PTPRT: variants seen among roughly 807,000 people sequenced by gnomAD.
The protein encoded by PTPRT is receptor-type tyrosine-protein phosphatase T.
In PTPRT, 56 loss-of-function variants were observed where a neutral mutation model predicts 176.8. The observed-to-expected ratio is 0.32, with a 90% CI of 0.26 to 0.40. The LOEUF is 0.40. PTPRT is among the 10% of genes least tolerant of loss of function. PTPRT has a pLI of 1.00. For synonymous variants in PTPRT, 783 were observed against 739.0 expected (o/e 1.06, Z -0.96); for missense variants, 1,540 against 1,908.2 (o/e 0.81, Z 3.60).
At chr20:42,812,014 C>A (rs1247003794) in intron 2 of PTPRT, among the ~76,000 whole-genome samples, 3 of 152,010 alleles carry the variant, frequency 2.0e-5, no homozygotes, top group African/African-American at 4.8e-5. Context: ...TTTTAGATAA[C>A]CATTCTTTCA....
At chr20:42,684,619 T>A (rs1569082484) in intron 6 of PTPRT, among the ~76,000 whole-genome samples, 3 of 152,036 alleles carry the variant, frequency 2.0e-5, no homozygotes, top group Non-Finnish European at 4.4e-5. Context: ...AAAGAAAACT[T>A]CTCTGAAATA....
At chr20:42,560,549 T>A (rs1022949526) in intron 7 of PTPRT, among the ~76,000 whole-genome samples, 11 of 152,320 alleles carry the variant, frequency 7.2e-5, no homozygotes, top group Non-Finnish European at 1.5e-4. Flanking sequence ...TGCCAATTTC[T>A]CATAGGGAGC....
At chr20:42,099,262 A>T (rs992083785) in intron 26 of PTPRT, among the ~76,000 whole-genome samples, 2 of 152,040 alleles carry the variant, frequency 1.3e-5, no homozygotes, top group Non-Finnish European at 2.9e-5. Flanking sequence ...GCAAGTTATT[A>T]GATGATTCCA....
At chr20:42,229,372 G>C (rs1600704053) in intron 15 of PTPRT, among the ~76,000 whole-genome samples, 1 of 152,138 alleles carries the variant, frequency 6.6e-6, no homozygotes, top group African/African-American at 2.4e-5. Context: ...TAACATGTTT[G>C]CTGTTGATAA....
chr20:42,355,531 C>T (rs1431909338), intron 9 of PTPRT, among the ~76,000 whole-genome samples: 3 of 152,084 alleles, frequency 2.0e-5, no homozygotes, highest in Non-Finnish European at 2.9e-5. Context: ...CAGAGGGAAC[C>T]GCGTAGGCAA....
At chr20:42,515,147 C>T (rs1359219802) in intron 7 of PTPRT, among the ~76,000 whole-genome samples, 3 of 152,152 alleles carry the variant, frequency 2.0e-5, no homozygotes, top group South Asian at 4.1e-4. Context: ...ATTTAGGTCA[C>T]GTTTAAAACT....
rs1042641907 is a variant in PTPRT at position 43,139,707 on chromosome 20, C to T, written c.88+49939G>A. On this transcript the variant is annotated intron_variant, in intron 1 of 30. Transcript: ENST00000373187. ...CCCAAGTGTAAAGTATCTAAGGTGG[C>T]CCAAGCTGGAAAACGGTCACCCCAG... is the stretch of plus-strand genomic sequence containing the variant. Among the ~76,000 whole-genome samples the T allele has an allele frequency of 4.6e-5, 7 of 152,140 alleles. No homozygotes were observed. The East Asian group carries it at 1.4e-3, about 29-fold the overall frequency.
intron 16 of PTPRT, among the ~76,000 whole-genome samples, chr20:42,188,267 C>T (rs1054997002): frequency 6.6e-6 from 1 of 152,134 alleles, no homozygotes; most frequent in Non-Finnish European, 1.5e-5. Context: ...AGGTTGGGAG[C>T]AAGTACAGAA....
chr20:43,115,657 CA>C (rs1416488789), intron 1 of PTPRT, among the ~76,000 whole-genome samples: 2 of 152,172 alleles, frequency 1.3e-5, no homozygotes, highest in Non-Finnish European at 2.9e-5. Context: ...GCGCCCACAA[CA>C]AAAAACTGCC....
chr20:42,790,487 A>G (rs1221893430), intron 3 of PTPRT, among the ~76,000 whole-genome samples: 1 of 152,030 alleles, frequency 6.6e-6, no homozygotes, highest in African/African-American at 2.4e-5. Flanking sequence ...GGACAGTATG[A>G]GCAGCACTGC....
intron 7 of PTPRT, among the ~76,000 whole-genome samples, chr20:42,600,703 A>G (rs1434646894): frequency 6.6e-6 from 1 of 152,112 alleles, no homozygotes; most frequent in African/African-American, 2.4e-5. Context: ...TATAAGTGAG[A>G]GCATTTTTGA....
chr20:42,498,314 G>A (rs1047268569), intron 7 of PTPRT, among the ~76,000 whole-genome samples: 1 of 152,070 alleles, frequency 6.6e-6, no homozygotes, highest in Non-Finnish European at 1.5e-5. Context: ...GGGCAGGGGC[G>A]GTTGGACATG....
Position 42,450,350 on chromosome 20 carries a change from C to G in PTPRT, c.1451-2021G>C, listed in dbSNP as rs998952217. On this transcript the variant is annotated intron_variant, in intron 8 of 30. Coordinates refer to ENST00000373187, the MANE Select transcript of PTPRT (RefSeq NM_007050.6). The stretch of plus-strand genomic sequence containing the variant: ...AGAAAGTTTGTACCATTCTGGACTC[C>G]CCAACAGAAGACTATGTCTGTTCTT... Among the ~76,000 whole-genome samples the G allele has an allele frequency of 4.6e-5, 7 of 152,172 alleles. No individual in the cohort carries two copies. In the South Asian group the frequency reaches 8.3e-4, roughly 18 times the overall value.
chr20:42,787,406 G>C (rs890533154), intron 3 of PTPRT, among the ~76,000 whole-genome samples: 2 of 152,206 alleles, frequency 1.3e-5, no homozygotes, highest in East Asian at 3.8e-4. Context: ...ATCAAACTTA[G>C]AGGCAAGACA....
intron 7 of PTPRT, among the ~76,000 whole-genome samples, chr20:42,596,604 T>G (rs978166847): frequency 6.6e-6 from 1 of 152,236 alleles, no homozygotes; most frequent in Non-Finnish European, 1.5e-5. Context: ...TCTATATTTC[T>G]GACTCTCTCC....
chr20:42,885,142 ATAT>A (rs888571966), intron 2 of PTPRT, among the ~76,000 whole-genome samples: 54 of 147,264 alleles, frequency 3.7e-4, no homozygotes, highest in African/African-American at 1.3e-3. Context: ...TATAATAATA[ATAT>A]AATAATATAT....
chr20:42,746,310 T>C (rs2076690091), intron 6 of PTPRT, among the ~76,000 whole-genome samples: 2 of 152,234 alleles, frequency 1.3e-5, no homozygotes, highest in South Asian at 4.1e-4. Context: ...ATCTGTCATT[T>C]TTCTCTTTCC....
At position 43,101,202 on chromosome 20, in the gene PTPRT, C is replaced by T. The variant is rs114862220; in HGVS notation, c.88+88444G>A. ...GTGCTCCGAACCTCAGTTTTCTTAACAATAATACGGAAGTAAAATACAGAC... is the reference window on the plus strand; with the variant it reads ...GTGCTCCGAACCTCAGTTTTCTTAATAATAATACGGAAGTAAAATACAGAC... On this transcript the variant is annotated intron_variant, in intron 1 of 30. Coordinates refer to ENST00000373187, the MANE Select transcript of PTPRT (RefSeq NM_007050.6). Among the ~76,000 whole-genome samples the T allele has an allele frequency of 2.1e-3, 325 of 152,176 alleles. 8 individuals are homozygous for T. The highest frequency in any genetic ancestry group is 7.3e-3 in the African/African-American group (302 of 41,484).
chr20:42,519,427 C>T (rs926697839), intron 7 of PTPRT, among the ~76,000 whole-genome samples: 7 of 152,094 alleles, frequency 4.6e-5, no homozygotes, highest in Non-Finnish European at 8.8e-5. Context: ...AATGAACACT[C>T]ACATGCAAGC....
Sources: allele counts gnomAD v4.1 joint callset (sites outside exome capture counted in the v4.1 genomes callset), GRCh38; gene constraint gnomAD v4.1.1; transcripts MANE v1.5; gene names NCBI Gene and HGNC (gene_info 2026-07-23, HGNC 2026-07-21).